The following GABBR2 variants were observed in gnomAD, a reference collection of about 807,000 sequenced individuals.
GABBR2 encodes gamma-aminobutyric acid type B receptor subunit 2.
Under a neutral mutation model 105.6 loss-of-function variants are expected in GABBR2, and 23 were observed. The observed-to-expected ratio is 0.22, with a 90% confidence interval of 0.16 to 0.31. GABBR2 has a LOEUF of 0.31. Ranked by LOEUF, GABBR2 falls within the 10% of genes least tolerant of loss-of-function variation. GABBR2 has a pLI of 1.00. For missense variants in GABBR2, 734 were observed against 1,245.5 expected (o/e 0.59, Z 6.18); for synonymous variants, 478 against 499.7 (o/e 0.96, Z 0.58).
At chr9:98,495,184 C>T (rs1000839393) in intron 4 of GABBR2, among the ~76,000 whole-genome samples, 4 of 152,224 alleles carry the variant, frequency 2.6e-5, no homozygotes, top group South Asian at 4.1e-4. Flanking sequence ...AAATGTGACC[C>T]GCAGGCTCTG....
At chr9:98,613,447 GAA>G (rs5899347) in intron 1 of GABBR2, among the ~76,000 whole-genome samples, 1 of 144,168 alleles carries the variant, frequency 6.9e-6, no homozygotes, top group East Asian at 2.0e-4. Flanking sequence ...CTCAGGGGAA[GAA>G]AAAAAAAAAA....
chr9:98,290,509 A>C lies in GABBR2; in HGVS notation c.*75T>G. The C allele has an allele frequency of 9.4e-7, 1 of 1,069,410 alleles. No homozygotes were observed. Among genetic ancestry groups the C allele is most frequent in the Non-Finnish European group, 1.2e-6 (1 of 816,942 alleles). The allele number at this position is 1,069,410 out of a possible 1,614,324, so 66.2% of individuals were successfully genotyped here. A position where few individuals can be genotyped will look rare whatever the true frequency, so the allele number is the denominator to read the frequency against. On this transcript the variant is annotated 3_prime_UTR_variant, in exon 19 of 19. Coordinates refer to ENST00000259455, the MANE Select transcript of GABBR2 (RefSeq NM_005458.8). ...CAGCTTCTCCGCAGCCAGAGCCGAC[A>C]GTGTTTCTGCAGCAGACCCCTCTGC...
intron 3 of GABBR2, among the ~76,000 whole-genome samples, chr9:98,530,173 G>A (rs1368306717): frequency 6.6e-6 from 1 of 152,218 alleles, no homozygotes; most frequent in Non-Finnish European, 1.5e-5. Context: ...GGAGCAGCGT[G>A]AAGGGACAGT....
intron 1 of GABBR2, among the ~76,000 whole-genome samples, chr9:98,706,112 A>C (rs1413227843): frequency 7.0e-5 from 1 of 14,248 alleles, no homozygotes; most frequent in South Asian, 2.5e-3. Context: ...AAAAAAACAA[A>C]AAAAAAAAAA....
At chr9:98,700,674 G>A (rs1281627603) in intron 1 of GABBR2, among the ~76,000 whole-genome samples, 1 of 152,140 alleles carries the variant, frequency 6.6e-6, no homozygotes, top group Non-Finnish European at 1.5e-5. Flanking sequence ...AAGTGTCCAT[G>A]GCATCCATAT....
At chr9:98,487,212 G>T (rs920920162) in intron 4 of GABBR2, among the ~76,000 whole-genome samples, 5 of 152,158 alleles carry the variant, frequency 3.3e-5, no homozygotes, top group Non-Finnish European at 7.4e-5. Context: ...GATGCACCAT[G>T]TGTATTCTGC....
intron 1 of GABBR2, among the ~76,000 whole-genome samples, chr9:98,586,827 G>A (rs1829084413): frequency 1.3e-5 from 2 of 152,108 alleles, no homozygotes; most frequent in East Asian, 3.9e-4. Context: ...ATATGCCACC[G>A]TTTGTTTGTT....
intron 1 of GABBR2, among the ~76,000 whole-genome samples, chr9:98,691,551 C>T (rs1830682663): frequency 6.6e-6 from 1 of 152,342 alleles, no homozygotes; most frequent in East Asian, 1.9e-4. Flanking sequence ...GAAGCCAGGA[C>T]TTTGCGGAGG....
chr9:98,697,046 A>G (rs1480647084), intron 1 of GABBR2, among the ~76,000 whole-genome samples: 2 of 152,228 alleles, frequency 1.3e-5, no homozygotes, highest in Non-Finnish European at 2.9e-5. Flanking sequence ...GAGGAAAATA[A>G]CTATATGAAG....
chr9:98,656,413 G>C (rs1588271245), intron 1 of GABBR2, among the ~76,000 whole-genome samples: 2 of 143,524 alleles, frequency 1.4e-5, no homozygotes, highest in East Asian at 4.3e-4. Context: ...TCCCAGCCTT[G>C]TGTTGCTGTC....
chr9:98,454,203 A>G lies in GABBR2; in HGVS notation c.1014T>C (p.Tyr338=). The G allele has an allele frequency of 1.2e-6, 2 of 1,611,950 alleles. No homozygotes were observed. The highest frequency in any genetic ancestry group is 8.5e-7 in the Non-Finnish European group (1 of 1,178,096). Residue 338 remains tyrosine (Y), a synonymous_variant, in exon 7 of 19, where the codon TAT becomes TAC. Transcript: ENST00000259455. The surrounding 1 kb of genome is among the most constrained non-coding windows in gnomAD (Gnocchi z 4.6). ...ACCGCTTGTTGTTGTACTCTCTCTC[A>G]TACTGCTGTGGAGTCTGGAAAAACA... ...KTISGKTPQQ[Y]EREYNNKRSG... is the part of the protein sequence containing the mutation.
Position 98,607,787 on chromosome 9 carries a change from T to A in GABBR2, c.322-29715A>T, listed in dbSNP as rs1298424002. ...CTGGCAGCTGTGACTTATAATGGAA[T>A]TGATAACAACAAGAATAAAGGGCAG... On this transcript the variant is annotated intron_variant, in intron 1 of 18. Transcript: ENST00000259455. 4 of 798,142 alleles carry A rather than the reference T, an allele frequency of 5.0e-6. No homozygotes were observed. In the East Asian group the frequency reaches 9.8e-5, roughly 20 times the overall value. 49.4% of individuals were successfully genotyped at this position (798,142 alleles called of 1,614,324 possible). A position where few individuals can be genotyped will look rare whatever the true frequency, so the allele number is the denominator to read the frequency against.
intron 6 of GABBR2, among the ~76,000 whole-genome samples, chr9:98,465,623 A>C (rs1431049448): frequency 6.6e-6 from 1 of 152,216 alleles, no homozygotes; most frequent in Non-Finnish European, 1.5e-5. Context: ...CAAACATTCT[A>C]TACAAAATGA....
intron 6 of GABBR2, among the ~76,000 whole-genome samples, chr9:98,470,692 A>C (rs1310651836): frequency 1.3e-5 from 2 of 152,186 alleles, no homozygotes; most frequent in African/African-American, 2.4e-5. Flanking sequence ...TAAAGATAGA[A>C]TCCAACCTTG....
At chr9:98,472,511 C>T (rs1826705148) in intron 6 of GABBR2, among the ~76,000 whole-genome samples, 2 of 151,728 alleles carry the variant, frequency 1.3e-5, no homozygotes, top group South Asian at 2.1e-4. Flanking sequence ...GCCATCAATC[C>T]TCCTGATAAC....
chr9:98,391,775 C>A (rs1832185294), intron 9 of GABBR2, among the ~76,000 whole-genome samples: 5 of 152,094 alleles, frequency 3.3e-5, no homozygotes, highest in Admixed American at 3.3e-4. Context: ...TTCATGGAGG[C>A]CTTGGGGCCA....
At chr9:98,294,398 G>T (rs1217461548) in intron 17 of GABBR2, among the ~76,000 whole-genome samples, 1 of 152,086 alleles carries the variant, frequency 6.6e-6, no homozygotes, top group Non-Finnish European at 1.5e-5. Flanking sequence ...ACCATAAAAG[G>T]ACCTATTTTT....
At chr9:98,651,924 T>C (rs1222063995) in intron 1 of GABBR2, among the ~76,000 whole-genome samples, 1 of 152,170 alleles carries the variant, frequency 6.6e-6, no homozygotes, top group Non-Finnish European at 1.5e-5. Context: ...TAAGAGTACT[T>C]ATCTTTCAGA....
chr9:98,505,947 T>C (rs1588200813), intron 3 of GABBR2, among the ~76,000 whole-genome samples: 1 of 152,290 alleles, frequency 6.6e-6, no homozygotes, highest in Non-Finnish European at 1.5e-5. Context: ...CTAATACACC[T>C]GGGGCAGGTT....
Sources: gnomAD v4.1 joint callset for allele counts (sites outside exome capture counted in the v4.1 genomes callset) on GRCh38, gnomAD v4.1.1 for gene constraint, Gnocchi (gnomAD v3.1) non-coding constraint, MANE v1.5 for transcripts, NCBI Gene and HGNC (gene_info 2026-07-23, HGNC 2026-07-21) for gene names.